The following SPATA18 variants were observed in gnomAD, a reference collection of about 807,000 sequenced individuals.
SPATA18 encodes spermatogenesis associated 18.
SPATA18 carries 54 observed loss-of-function variants against 68.1 expected under a neutral mutation model. The observed-to-expected ratio is 0.79, with a 90% CI of 0.64 to 0.99. The LOEUF (loss-of-function observed/expected upper bound fraction) is 0.99. Ranked by LOEUF, SPATA18 falls within the 50% of genes least tolerant of loss-of-function variation. The pLI is 0.00. For synonymous variants in SPATA18, 242 were observed against 244.8 expected, an observed-to-expected ratio of 0.99 and a Z score of 0.11; for missense variants, 724 against 681.1, an observed-to-expected ratio of 1.06 and a Z score of -0.70.
intron 1 of SPATA18, among the ~76,000 whole-genome samples, chr4:52,057,795 T>C (rs184891022): frequency 5.0e-4 from 76 of 152,328 alleles, no homozygotes; most frequent in African/African-American, 1.7e-3. Flanking sequence ...TAGGTGCCAA[T>C]TGATGAACAC....
At chr4:52,066,796 C>T (rs918298969) in intron 4 of SPATA18, among the ~76,000 whole-genome samples, 1 of 152,178 alleles carries the variant, frequency 6.6e-6, no homozygotes, top group African/African-American at 2.4e-5. Flanking sequence ...AAGATAATGG[C>T]TTCTAGCTTC....
chr4:52,064,006 T>C (rs1739109326), intron 4 of SPATA18, among the ~76,000 whole-genome samples: 1 of 152,166 alleles, frequency 6.6e-6, no homozygotes, highest in African/African-American at 2.4e-5. Flanking sequence ...GTGACACTGT[T>C]GTTACCTATA....
At chr4:52,053,967 C>G (rs2109399036) in intron 1 of SPATA18, among the ~76,000 whole-genome samples, 1 of 152,288 alleles carries the variant, frequency 6.6e-6, no homozygotes, top group Admixed American at 6.5e-5. Flanking sequence ...CAATTGTGCC[C>G]CTTTAAGCTC....
chr4:52,087,036 C>A (rs1741496916), intron 11 of SPATA18, among the ~76,000 whole-genome samples: 1 of 152,134 alleles, frequency 6.6e-6, no homozygotes, highest in South Asian at 2.1e-4. Context: ...GCATTTTTTT[C>A]ATATGTCTGT....
intron 7 of SPATA18, 138 bp from the exon 8 acceptor site, chr4:52,078,597 A>G (rs1484066285): frequency 1.5e-6 from 1 of 677,570 alleles, no homozygotes; most frequent in Non-Finnish European, 2.3e-6. Context: ...TTCCAGACTA[A>G]AAATGTTTTT....
chr4:52,079,285 A>G (rs1239163102), intron 8 of SPATA18, among the ~76,000 whole-genome samples: 3 of 152,176 alleles, frequency 2.0e-5, no homozygotes, highest in Admixed American at 6.5e-5. Flanking sequence ...AACACTGTTC[A>G]TTACTCCATA....
Position 52,085,008 on chromosome 4 carries a change from C to T in SPATA18, c.1563+9C>T. 1 of 1,597,368 alleles carries T rather than the reference C, an allele frequency of 6.3e-7. No individual in the cohort carries two copies. Among genetic ancestry groups the T allele is most frequent in the Non-Finnish European group, 8.5e-7 (1 of 1,169,744 alleles). The stretch of plus-strand genomic sequence containing the variant: ...AAATTGGTTTAAACACGGTACATAT[C>T]TATCTAATCATTTTTACACAAAATT... On this transcript the variant is annotated intron_variant, in intron 11 of 12. Transcript: ENST00000295213.
intron 6 of SPATA18, among the ~76,000 whole-genome samples, chr4:52,076,549 A>T (rs375348553): frequency 1.3e-5 from 2 of 152,280 alleles, no homozygotes; most frequent in East Asian, 3.9e-4. Context: ...ATTTTTAAGA[A>T]CGCATGCATT....
chr4:52,060,906 G>A lies in SPATA18; in HGVS notation c.309+9G>A, dbSNP rs762590246. On this transcript the variant is annotated intron_variant, in intron 3 of 12. Coordinates refer to ENST00000295213, the MANE Select transcript of SPATA18 (RefSeq NM_145263.4). ...AGGTCCCCTCTCTGCAGGTAGGGAT[G>A]CTGAAGGATAACCCTTGACTTTCTG... 18 of 1,602,142 alleles carry A rather than the reference G, an allele frequency of 1.1e-5. 1 individual carries two copies. In the South Asian group the frequency reaches 2.0e-4, roughly 18 times the overall value.
chr4:52,073,703 T>C (rs1740071269), intron 6 of SPATA18, among the ~76,000 whole-genome samples: 1 of 152,196 alleles, frequency 6.6e-6, no homozygotes, highest in Non-Finnish European at 1.5e-5. Context: ...CCCAGGTGTT[T>C]GAAGCTGCAG....
intron 1 of SPATA18, among the ~76,000 whole-genome samples, chr4:52,055,377 TG>T (rs778433801): frequency 2.0e-5 from 3 of 152,162 alleles, no homozygotes; most frequent in Admixed American, 6.5e-5. Flanking sequence ...TGGCTCTCAT[TG>T]CCAATACTAG....
chr4:52,064,354 T>C (rs73248605), intron 4 of SPATA18, among the ~76,000 whole-genome samples: 19,153 of 152,196 alleles, frequency 0.13, 1,633 homozygotes, highest in Middle Eastern at 0.26. Flanking sequence ...TGGTGATTTC[T>C]GAGATTTTGG....
chr4:52,061,762 T>C (rs1738877326), intron 3 of SPATA18, among the ~76,000 whole-genome samples: 1 of 152,182 alleles, frequency 6.6e-6, no homozygotes, highest in Admixed American at 6.5e-5. Context: ...ACACAGGGCC[T>C]GACACATGTT....
chr4:52,063,661 T>C (rs1258023118), intron 4 of SPATA18, among the ~76,000 whole-genome samples: 1 of 152,172 alleles, frequency 6.6e-6, no homozygotes, highest in African/African-American at 2.4e-5. Context: ...AGAGCTATTT[T>C]TGCCCTCTCA....
At chr4:52,063,756 A>T (rs907821222) in intron 4 of SPATA18, among the ~76,000 whole-genome samples, 3 of 151,954 alleles carry the variant, frequency 2.0e-5, no homozygotes, top group African/African-American at 7.3e-5. Context: ...TTTTGGTCTT[A>T]TACTGCCCTC....
Position 52,051,657 on chromosome 4 carries a change from C to T in SPATA18, c.-48C>T. On this transcript the variant is annotated 5_prime_UTR_variant, in exon 1 of 13. Transcript: ENST00000295213. ...GTCCTGCGGAGGCCACCGCCTGGTC[C>T]CCCCAAGTCTCCATCGCGCAGCGTG... The T allele has an allele frequency of 1.9e-6, 3 of 1,581,608 alleles. No individual in the cohort carries two copies. Among genetic ancestry groups the T allele is most frequent in the Admixed American group, 1.7e-5 (1 of 59,988 alleles).
intron 6 of SPATA18, among the ~76,000 whole-genome samples, chr4:52,072,528 G>T (rs1016445537): frequency 1.3e-5 from 2 of 151,944 alleles, no homozygotes; most frequent in Non-Finnish European, 1.5e-5. Flanking sequence ...TCAGCCTCCC[G>T]ACTAGCTGGG....
rs1578153650 is a variant in SPATA18, at chr4:52,062,155, A to T, written c.310-65A>T. The T allele has an allele frequency of 3.8e-6, 4 of 1,045,686 alleles. No individual in the cohort carries two copies. In the Admixed American group the frequency reaches 6.9e-5, roughly 18 times the overall value. The allele number at this position is 1,045,686 out of a possible 1,614,324, so 64.8% of individuals were successfully genotyped here. On this transcript the variant is annotated intron_variant, in intron 3 of 12. Coordinates refer to ENST00000295213, the MANE Select transcript of SPATA18 (RefSeq NM_145263.4). The stretch of plus-strand genomic sequence containing the variant: ...TTTTGAGTTGGGCTGTTTTTTAAAA[A>T]TTCATCCATGTCATTTAATGTATTC...
At chr4:52,056,538 G>A (rs957132205) in intron 1 of SPATA18, among the ~76,000 whole-genome samples, 8 of 140,944 alleles carry the variant, frequency 5.7e-5, no homozygotes, top group East Asian at 4.1e-4. Context: ...CATTCCATCC[G>A]AAGGTCCTGC....
Sources: gnomAD v4.1 joint callset for allele counts (sites outside exome capture counted in the v4.1 genomes callset) on GRCh38, gnomAD v4.1.1 for gene constraint, MANE v1.5 for transcripts, NCBI Gene and HGNC (gene_info 2026-07-23, HGNC 2026-07-21) for gene names.